Variants in CAST observed in about 807,000 individuals in gnomAD.
The protein encoded by CAST is calpastatin, also known as MIR583 host.
A neutral mutation model predicts 119.6 loss-of-function variants in CAST; 76 were observed. That is an observed-to-expected ratio of 0.64 (90% CI 0.53 to 0.77). The LOEUF (loss-of-function observed/expected upper bound fraction) is 0.77. Ranked by LOEUF, CAST falls within the 30% of genes least tolerant of loss-of-function variation. The pLI, the probability that CAST is intolerant of heterozygous loss-of-function variation, is 0.00. For synonymous variants in CAST, 319 were observed against 331.6 expected, an observed-to-expected ratio of 0.96 and a Z score of 0.41; for missense variants, 953 against 946.5, an observed-to-expected ratio of 1.01 and a Z score of -0.09.
chr5:96,496,120 T>G, the CAST span, among the ~76,000 whole-genome samples: 1 of 152,178 alleles, frequency 6.6e-6, no homozygotes, highest in Non-Finnish European at 1.5e-5. Context: ...AAAGTAAAAT[T>G]TAAGTATATA....
the CAST span, among the ~76,000 whole-genome samples, chr5:96,376,493 T>G: frequency 6.6e-6 from 1 of 151,872 alleles, no homozygotes; most frequent in Admixed American, 6.6e-5. Flanking sequence ...CAGGCTGGAG[T>G]GCAGTGGTGC....
At chr5:96,328,469 A>G in the CAST span, among the ~76,000 whole-genome samples, 1 of 135,402 alleles carries the variant, frequency 7.4e-6, no homozygotes, top group South Asian at 2.3e-4. Flanking sequence ...TCCATTTGCT[A>G]CTAGGTTTCC....
chr5:96,759,698 G>C (rs1014958956), intron 24 of CAST, among the ~76,000 whole-genome samples: 2 of 151,056 alleles, frequency 1.3e-5, no homozygotes, highest in Non-Finnish European at 3.0e-5. Context: ...ATATAAAAGA[G>C]GAAAAAAAAC....
the CAST span, among the ~76,000 whole-genome samples, chr5:96,315,026 T>G: frequency 4.6e-5 from 7 of 152,356 alleles, no homozygotes; most frequent in East Asian, 1.2e-3. Flanking sequence ...AAGATTTGAT[T>G]GATCTCAGGA....
the CAST span, among the ~76,000 whole-genome samples, chr5:96,404,116 T>G: frequency 6.6e-6 from 1 of 152,188 alleles, no homozygotes; most frequent in South Asian, 2.1e-4. Context: ...AATTCCTTCT[T>G]CTCTTAGTAT....
At chr5:96,695,303 C>T in intron 2 of CAST, among the ~76,000 whole-genome samples, 1 of 152,282 alleles carries the variant, frequency 6.6e-6, no homozygotes, top group East Asian at 1.9e-4. Context: ...ATCTATAATT[C>T]TATTATTCTA....
intron 1 of CAST, among the ~76,000 whole-genome samples, chr5:96,547,987 G>GTAAA (rs1303690700): frequency 4.5e-5 from 2 of 44,210 alleles, no homozygotes; most frequent in Non-Finnish European, 8.6e-5. Flanking sequence ...TAAATACAAT[G>GTAAA]TAAGTCTTTG....
the CAST span, among the ~76,000 whole-genome samples, chr5:96,094,442 T>C: frequency 5.9e-4 from 90 of 152,146 alleles, no homozygotes; most frequent in Non-Finnish European, 1.1e-3. Context: ...TTTTTTCCTT[T>C]CTGGTCCAAG....
At chr5:96,663,752 G>C (rs1376794200) in intron 1 of CAST, among the ~76,000 whole-genome samples, 3 of 152,100 alleles carry the variant, frequency 2.0e-5, no homozygotes, top group African/African-American at 7.2e-5. Flanking sequence ...GAGAGAGGGA[G>C]GGAGAGAGAG....
chr5:96,489,907 A>C, the CAST span, among the ~76,000 whole-genome samples: 1 of 152,238 alleles, frequency 6.6e-6, no homozygotes, highest in Non-Finnish European at 1.5e-5. Context: ...TGAATAAGAA[A>C]GGAGCTATGT....
Position 96,774,668 on chromosome 5 carries a change from A to ATATTT in CAST, c.*2055_*2059dup, listed in dbSNP as rs1180370064. The ATATTT allele has an allele frequency of 9.2e-6, 9 of 983,350 alleles. 1 individual carries two copies. In the East Asian group the frequency reaches 1.0e-3, roughly 110 times the overall value. The allele number at this position is 983,350 out of a possible 1,614,324, so 60.9% of individuals were successfully genotyped here. ...AGGCATAAAATACAATTAAAGCAAA[A>ATATTT]TATTTTACATTAAAATCTTGGTTGT... is the stretch of plus-strand genomic sequence containing the variant. On this transcript the variant is annotated 3_prime_UTR_variant, in exon 32 of 32. Coordinates refer to ENST00000675179, the MANE Select transcript of CAST (RefSeq NM_001750.7).
intron 9 of CAST, among the ~76,000 whole-genome samples, chr5:96,734,108 C>G (rs1370231419): frequency 2.0e-5 from 3 of 152,126 alleles, no homozygotes; most frequent in African/African-American, 4.8e-5. Flanking sequence ...TTCAGTTAGG[C>G]ATGGAAGGAT....
the CAST span, among the ~76,000 whole-genome samples, chr5:96,238,878 A>C: frequency 6.6e-6 from 1 of 152,196 alleles, no homozygotes; most frequent in Non-Finnish European, 1.5e-5. Flanking sequence ...TGGATTGAAA[A>C]TGATTGTACA....
At chr5:96,713,799 A>G (rs1347295734) in intron 3 of CAST, among the ~76,000 whole-genome samples, 2 of 152,020 alleles carry the variant, frequency 1.3e-5, no homozygotes, top group Admixed American at 6.6e-5. Context: ...ATATGGTGAA[A>G]CCCCATCTCT....
At chr5:96,162,815 G>T in the CAST span, among the ~76,000 whole-genome samples, 1 of 152,104 alleles carries the variant, frequency 6.6e-6, no homozygotes, top group Non-Finnish European at 1.5e-5. Flanking sequence ...GTTAATATTT[G>T]TTGATGATTT....
chr5:96,277,985 C>T, the CAST span, among the ~76,000 whole-genome samples: 2 of 151,766 alleles, frequency 1.3e-5, no homozygotes, highest in African/African-American at 2.4e-5. Context: ...TTCCTGCTTA[C>T]AGCTGTACCT....
chr5:96,366,659 G>T, the CAST span, among the ~76,000 whole-genome samples: 1 of 152,112 alleles, frequency 6.6e-6, no homozygotes, highest in East Asian at 1.9e-4. Flanking sequence ...TAGTTCTTGT[G>T]CCATGGTTTT....
the CAST span, among the ~76,000 whole-genome samples, chr5:96,346,357 G>A: frequency 6.6e-6 from 1 of 152,132 alleles, no homozygotes; most frequent in African/African-American, 2.4e-5. Flanking sequence ...ATATCAGGCA[G>A]GTGGTTAGAT....
chr5:96,089,029 A>G, the CAST span, among the ~76,000 whole-genome samples: 1 of 149,352 alleles, frequency 6.7e-6, no homozygotes, highest in African/African-American at 2.5e-5. Flanking sequence ...AGATGCTTTC[A>G]GTCAGCATCC....
Sources: gnomAD v4.1 joint callset for allele counts (sites outside exome capture counted in the v4.1 genomes callset) on GRCh38, gnomAD v4.1.1 for gene constraint, MANE v1.5 for transcripts, NCBI Gene and HGNC (gene_info 2026-07-23, HGNC 2026-07-21) for gene names.